SPTAN1: variants seen among roughly 807,000 people sequenced by gnomAD.
The protein encoded by SPTAN1 is spectrin alpha chain, non-erythrocytic 1.
In SPTAN1, 61 loss-of-function variants were observed where a neutral mutation model predicts 331.3. The observed-to-expected ratio is 0.18, with a 90% CI of 0.15 to 0.23. The LOEUF (loss-of-function observed/expected upper bound fraction) is 0.23. SPTAN1 is among the 10% of genes least tolerant of loss of function. The probability of loss-of-function intolerance (pLI) is 1.00; values close to 1 mark genes in which losing one functional copy is unlikely to be tolerated. For missense variants in SPTAN1, 2,043 were observed against 3,147.9 expected, an observed-to-expected ratio of 0.65 and a Z score of 8.40; for synonymous variants, 1,153 against 1,173.9, an observed-to-expected ratio of 0.98 and a Z score of 0.36.
chr9:128,555,113 G>A (rs1240113893), intron 1 of SPTAN1, among the ~76,000 whole-genome samples: 4 of 152,154 alleles, frequency 2.6e-5, no homozygotes, highest in African/African-American at 7.2e-5. Context: ...CTTGACCAGG[G>A]CAGCATATCT....
intron 1 of SPTAN1, among the ~76,000 whole-genome samples, chr9:128,561,388 G>A (rs1849324389): frequency 6.7e-6 from 1 of 149,482 alleles, no homozygotes; most frequent in Admixed American, 6.7e-5. Context: ...AAAAGGCCAG[G>A]CGCGGTGGCT....
Position 128,618,011 on chromosome 9 carries a change from C to T in SPTAN1, c.5503C>T (p.Leu1835=), listed in dbSNP as rs752364883. 9 of 1,614,164 alleles carry T rather than the reference C, an allele frequency of 5.6e-6. No individual in the cohort carries two copies. The highest frequency in any genetic ancestry group is 7.6e-6 in the Non-Finnish European group (9 of 1,180,020). Residue 1835 remains leucine (L), a synonymous_variant, in exon 43 of 57, where the codon CTG becomes TTG. Coordinates refer to ENST00000372739, the MANE Select transcript of SPTAN1 (RefSeq NM_001130438.3). ...GGGTGTCCTGGACACTGGCAAGAAG[C>T]TGTCCGATGACAACACCATCGGGAA... ...IQGVLDTGKK[L]SDDNTIGKEE...
In SPTAN1 at chr9:128,585,015, C is replaced by CT. The variant is rs11382658; in HGVS notation, c.2560+189dup. Among the ~76,000 whole-genome samples, 30,371 of 133,106 alleles carry CT rather than the reference C, an allele frequency of 0.23. 5,528 individuals carry two copies. The highest frequency in any genetic ancestry group is 0.48 in the African/African-American group (16,773 of 34,764). 87.3% of individuals were successfully genotyped at this position (133,106 alleles called of 152,430 possible). A position where few individuals can be genotyped will look rare whatever the true frequency, so the allele number is the denominator to read the frequency against. ...CCTTACCCTTTCTGAGCCTGAATTT[C>CT]TTTTTTTTTTTTTTTTTGAGACGGG... On this transcript the variant is annotated intron_variant, in intron 18 of 56. Coordinates refer to ENST00000372739, the MANE Select transcript of SPTAN1 (RefSeq NM_001130438.3).
Position 128,626,000 on chromosome 9 carries a change from G to A in SPTAN1, c.6279+22G>A, listed in dbSNP as rs1207188894. ...CAAGGTGAGGATGGGGCCACGTGAA[G>A]CTTAGCTGGCCCACAGCTCAAGGAA... On this transcript the variant is annotated intron_variant, in intron 48 of 56. Transcript: ENST00000372739. This position sits in a 1 kb window ranked among gnomAD's most constrained non-coding sequence, Gnocchi z 4.1. The A allele has an allele frequency of 6.2e-7, 1 of 1,612,488 alleles. No individual in the cohort carries two copies. The highest frequency in any genetic ancestry group is 1.3e-5 in the African/African-American group (1 of 74,884).
intron 21 of SPTAN1, among the ~76,000 whole-genome samples, chr9:128,589,351 C>T (rs570245370): frequency 1.8e-4 from 27 of 146,112 alleles, no homozygotes; most frequent in Non-Finnish European, 3.6e-4. Context: ...TGCAGTGGCA[C>T]GATTTCAGCT....
chr9:128,626,805 T>TCA, intron 49 of SPTAN1, 118 bp downstream of exon 49: 1 of 1,132,716 alleles, frequency 8.8e-7, no homozygotes, highest in Non-Finnish European at 1.3e-6. Flanking sequence ...GAGCATGGTT[T>TCA]CATCAGAAGT....
At chr9:128,580,660 A>G (rs1851836478) in intron 10 of SPTAN1, among the ~76,000 whole-genome samples, 1 of 152,140 alleles carries the variant, frequency 6.6e-6, no homozygotes, top group African/African-American at 2.4e-5. Context: ...TATTTCTTCT[A>G]CCTGGGAGTT....
At chr9:128,599,543 T>C in intron 26 of SPTAN1, 1 of 179,040 alleles carries the variant, frequency 5.6e-6, no homozygotes, top group Non-Finnish European at 1.2e-5. Flanking sequence ...GGTCTTGCTT[T>C]GTTGCCCAGA....
chr9:128,557,799 C>CTTTTTT (rs72214808), intron 1 of SPTAN1, among the ~76,000 whole-genome samples: 3 of 85,006 alleles, frequency 3.5e-5, no homozygotes, highest in African/African-American at 8.9e-5. Flanking sequence ...TTAGAAATTT[C>CTTTTTT]TTTTTTTTTT....
At chr9:128,557,537 AC>A (rs915024211) in intron 1 of SPTAN1, among the ~76,000 whole-genome samples, 2 of 150,862 alleles carry the variant, frequency 1.3e-5, no homozygotes, top group Non-Finnish European at 3.0e-5. Context: ...TCCCATAAAT[AC>A]CCCCCAATTT....
rs1853914560 is a variant in SPTAN1 at position 128,594,187 on chromosome 9, G to A, written c.3228G>A (p.Leu1076=). Residue 1076 remains leucine, a synonymous_variant, in exon 24 of 57, where the codon CTG becomes CTA. Coordinates refer to ENST00000372739, the MANE Select transcript of SPTAN1 (RefSeq NM_001130438.3). ...TGAATTCCATCAGATATCATTCTCT[G>A]CTGGAACTGGGTGAGAAGCGTAAAG... ...MKQVEELYHS[L]LELGEKRKGM... is the part of the protein sequence containing the mutation. The A allele has an allele frequency of 6.2e-7, 1 of 1,613,996 alleles. No individual in the cohort carries two copies. Among genetic ancestry groups the A allele is most frequent in the Non-Finnish European group, 8.5e-7 (1 of 1,180,028 alleles).
intron 1 of SPTAN1, 35 bp from the exon 2 acceptor site, chr9:128,566,703 A>G (rs1378871659): frequency 1.1e-5 from 18 of 1,613,656 alleles, no homozygotes; most frequent in East Asian, 4.5e-5. Context: ...TTTGGTGCCT[A>G]TTGGTACTTA....
At chr9:128,628,232 G>A in intron 51 of SPTAN1, 1 of 581,910 alleles carries the variant, frequency 1.7e-6, no homozygotes, top group Non-Finnish European at 3.2e-6. Context: ...GAAGGCCAGA[G>A]CTGGAGTCCA....
At chr9:128,564,502 GA>G (rs1849783902) in intron 1 of SPTAN1, among the ~76,000 whole-genome samples, 1 of 152,012 alleles carries the variant, frequency 6.6e-6, no homozygotes, top group South Asian at 2.1e-4. Context: ...AGCATCACTT[GA>G]ACCAGGGAGG....
At chr9:128,584,637 A>G in intron 17 of SPTAN1, 84 bp from the exon 18 acceptor site, 1 of 1,614,032 alleles carries the variant, frequency 6.2e-7, no homozygotes, top group Middle Eastern at 1.6e-4. Context: ...TTGAACTGGA[A>G]CCATGGTGGT....
In SPTAN1 at chr9:128,581,127, T is replaced by C. The variant is rs566084355; in HGVS notation, c.1461+68T>C. The stretch of plus-strand genomic sequence containing the variant: ...GCCTGTGTTTTGCCTCCTCGGGTAG[T>C]GTGCTTGTTTTGTTTTAGGACATCA... On this transcript the variant is annotated intron_variant, in intron 11 of 56. Coordinates refer to ENST00000372739, the MANE Select transcript of SPTAN1 (RefSeq NM_001130438.3). The C allele has an allele frequency of 7.5e-6, 12 of 1,604,480 alleles. No homozygotes were observed. The Admixed American group carries it at 1.0e-4, about 13-fold the overall frequency.
At position 128,609,265 on chromosome 9, in the gene SPTAN1, A is replaced by G. The variant is rs745319868; in HGVS notation, c.4739A>G (p.Lys1580Arg). The part of the protein sequence containing the change: ...KLQTASDESY[K>R]DPTNIQLSKL... ...CAAACAGCGAGTGATGAGTCGTACA[A>G]GGATCCCACCAACATCCAGGTAAGC... Residue 1580 changes from lysine to arginine, a missense_variant, in exon 36 of 57, where the codon AAG becomes AGG. Physicochemically the swap from Lys to Arg is conservative, Grantham distance 26. This residue lies in a region of SPTAN1 where 323 missense variants were observed against 581.1 expected (regional missense o/e 0.56). Coordinates refer to ENST00000372739, the MANE Select transcript of SPTAN1 (RefSeq NM_001130438.3). 1.2e-6 allele frequency: 2 copies of G among 1,614,268 alleles called. No individual in the cohort carries two copies. The highest frequency in any genetic ancestry group is 1.1e-5 in the South Asian group (1 of 91,088).
intron 18 of SPTAN1, 25 bp from the exon 19 acceptor site, chr9:128,585,723 T>C (rs758392650): frequency 1.9e-5 from 31 of 1,600,856 alleles, no homozygotes; most frequent in Non-Finnish European, 2.6e-5. Context: ...GTTTTTGTTA[T>C]CCTCTTTCCC....
At chr9:128,557,961 G>A (rs933859533) in intron 1 of SPTAN1, among the ~76,000 whole-genome samples, 9 of 152,036 alleles carry the variant, frequency 5.9e-5, no homozygotes, top group Admixed American at 2.6e-4. Context: ...CCGCCACCAC[G>A]CCCGGCTAAT....
Sources: gnomAD v4.1 joint callset for allele counts (sites outside exome capture counted in the v4.1 genomes callset) on GRCh38, gnomAD v4.1.1 for gene constraint, gnomAD v4.1.1 regional missense constraint, Gnocchi (gnomAD v3.1) non-coding constraint, MANE v1.5 for transcripts, NCBI Gene and HGNC (gene_info 2026-07-23, HGNC 2026-07-21) for gene names.